Variants in FLYWCH2 observed in about 807,000 individuals in gnomAD.
FLYWCH2 encodes FLYWCH family member 2.
FLYWCH2 carries 2 observed loss-of-function variants against 6.0 expected under a neutral mutation model. The ratio of observed to expected loss-of-function variants is 0.33; its 90% CI spans 0.14 to 1.04. The LOEUF is 1.04. Ranked by LOEUF, FLYWCH2 falls within the 50% of genes least tolerant of loss-of-function variation. The pLI is 0.45. For missense variants in FLYWCH2, 192 were observed against 183.4 expected (o/e 1.05, Z -0.27); for synonymous variants, 87 against 79.3 (o/e 1.10, Z -0.52).
intron 1 of FLYWCH2, among the ~76,000 whole-genome samples, chr16:2,886,516 C>CTTTTT (rs34052316): frequency 6.0e-5 from 4 of 66,848 alleles, no homozygotes; most frequent in East Asian, 3.6e-4. Context: ...CCCCTTTGTC[C>CTTTTT]TTTTTTTTTT....
Position 2,895,797 on chromosome 16 carries a change from T to C in FLYWCH2, c.-99+477T>C, listed in dbSNP as rs181639300. ...ACAAACTGAGCTAATGTCCCCAGAG[T>C]GTTTAGCTCTGATGCTTGGTGCCCA... On this transcript the variant is annotated intron_variant, in intron 2 of 3. Coordinates refer to ENST00000396958, the MANE Select transcript of FLYWCH2 (RefSeq NM_138439.3). 2.7e-3 allele frequency among the ~76,000 whole-genome samples: 410 copies of C among 152,186 alleles called. 1 individual carries two copies. Among genetic ancestry groups the C allele is most frequent in the African/African-American group, 9.1e-3 (379 of 41,520 alleles).
At position 2,896,549 on chromosome 16, in the gene FLYWCH2, A is replaced by T. The variant is rs2069822438; in HGVS notation, c.100A>T (p.Arg34Trp). ...CACAGAAGTCATCCCGGCAGCCCCC[A>T]GGAAGCCCAGAAAGTTCTCCAAACT... Reference protein sequence around the residue: ...PGTEVIPAAPRKPRKFSKLVL... With the variant: ...PGTEVIPAAPWKPRKFSKLVL... The change falls in exon 3 of 4, where the codon AGG becomes TGG. Residue 34 changes from arginine (R) to tryptophan (W), a missense_variant. Physicochemically the swap from Arg to Trp is moderately radical, Grantham distance 101. Transcript: ENST00000396958. 1.2e-6 allele frequency: 2 copies of T among 1,614,146 alleles called. No homozygotes were observed. Among genetic ancestry groups the T allele is most frequent in the East Asian group, 2.2e-5 (1 of 44,880 alleles).
At chr16:2,886,179 T>C (rs1363784276) in intron 1 of FLYWCH2, among the ~76,000 whole-genome samples, 1 of 151,976 alleles carries the variant, frequency 6.6e-6, no homozygotes, top group Non-Finnish European at 1.5e-5. Context: ...ATTATTATTA[T>C]TGTTATTATT....
Position 2,890,416 on chromosome 16 carries a change from A to ATT in FLYWCH2, c.-199-4790_-199-4789dup, listed in dbSNP as rs71158115. On this transcript the variant is annotated intron_variant, in intron 1 of 3. Transcript: ENST00000396958. ...AGGTGCACAGCACCATGCCTGACTA[A>ATT]TTTTTTTTTTTTTTTGAGACAACGT... Among the ~76,000 whole-genome samples, 136 of 133,438 alleles carry ATT rather than the reference A, an allele frequency of 1.0e-3. 1 individual carries two copies. The highest frequency in any genetic ancestry group is 4.8e-3 in the South Asian group (20 of 4,152). The allele number at this position is 133,438 out of a possible 152,430, so 87.5% of individuals were successfully genotyped here.
rs763467628 is a variant in FLYWCH2 at position 2,899,159 on chromosome 16, C to T, written c.*10C>T. On this transcript the variant is annotated 3_prime_UTR_variant, in exon 4 of 4. Transcript: ENST00000396958. ...CGGCAAGTCCCTGTAACCTTGACAACAGGCGCATCCTCCCAGGCCACCAAC... is the reference window on the plus strand; with the variant it reads ...CGGCAAGTCCCTGTAACCTTGACAATAGGCGCATCCTCCCAGGCCACCAAC... The T allele has an allele frequency of 1.2e-6, 2 of 1,606,834 alleles. No homozygotes were observed. Among genetic ancestry groups the T allele is most frequent in the African/African-American group, 2.7e-5 (2 of 74,796 alleles).
At position 2,899,315 on chromosome 16, in the gene FLYWCH2, G is replaced by A; in HGVS notation, c.*166G>A. 1 of 517,696 alleles carries A rather than the reference G, an allele frequency of 1.9e-6. No individual in the cohort carries two copies. The highest frequency in any genetic ancestry group is 2.8e-5 in the South Asian group (1 of 36,110). 32.1% of individuals were successfully genotyped at this position (517,696 alleles called of 1,614,324 possible). On this transcript the variant is annotated 3_prime_UTR_variant, in exon 4 of 4. Transcript: ENST00000396958. ...CAAGTATAAGTTACTTTTGTAAGCA[G>A]AAAAATACTTTCAAACAAGAATAAA...
At chr16:2,888,453 A>G (rs1010868764) in intron 1 of FLYWCH2, among the ~76,000 whole-genome samples, 30 of 137,194 alleles carry the variant, frequency 2.2e-4, no homozygotes, top group African/African-American at 7.6e-4. Context: ...GAATTTTCAT[A>G]TGAATTTTAG....
intron 1 of FLYWCH2, among the ~76,000 whole-genome samples, chr16:2,885,928 C>T (rs1057050323): frequency 6.6e-6 from 1 of 152,154 alleles, no homozygotes; most frequent in African/African-American, 2.4e-5. Context: ...AAAATGGCTG[C>T]ACCATTTTAC....
chr16:2,883,681 C>T (rs1046496168), intron 1 of FLYWCH2, among the ~76,000 whole-genome samples: 6 of 152,238 alleles, frequency 3.9e-5, no homozygotes, highest in Admixed American at 2.6e-4. Flanking sequence ...CCGCCGGCCT[C>T]GTCCCACGGT....
In FLYWCH2 at chr16:2,899,341, A is replaced by G; in HGVS notation, c.*192A>G. 2.0e-6 allele frequency: 1 copy of G among 507,144 alleles called. No homozygotes were observed. Among genetic ancestry groups the G allele is most frequent in the Non-Finnish European group, 3.4e-6 (1 of 290,728 alleles). 31.4% of individuals were successfully genotyped at this position (507,144 alleles called of 1,614,324 possible). A position where few individuals can be genotyped will look rare whatever the true frequency, so the allele number is the denominator to read the frequency against. Reference sequence around the variant, plus strand: ...AAAAATACTTTCAAACAAGAATAAAAGAAGCTGTTCGCTAGACCCCATAAT... The same window carrying G: ...AAAAATACTTTCAAACAAGAATAAAGGAAGCTGTTCGCTAGACCCCATAAT... On this transcript the variant is annotated 3_prime_UTR_variant, in exon 4 of 4. Coordinates refer to ENST00000396958, the MANE Select transcript of FLYWCH2 (RefSeq NM_138439.3).
At chr16:2,889,465 C>G (rs1219673781) in intron 1 of FLYWCH2, among the ~76,000 whole-genome samples, 2 of 151,782 alleles carry the variant, frequency 1.3e-5, no homozygotes, top group Non-Finnish European at 2.9e-5. Flanking sequence ...CCGCCTCAGC[C>G]TCCCAAAGTG....
At chr16:2,892,526 C>G (rs1245203206) in intron 1 of FLYWCH2, among the ~76,000 whole-genome samples, 1 of 146,964 alleles carries the variant, frequency 6.8e-6, no homozygotes, top group Non-Finnish European at 1.5e-5. Context: ...CTACATTTAC[C>G]ATTTTATTAT....
chr16:2,891,900 A>G (rs1353601610), intron 1 of FLYWCH2, among the ~76,000 whole-genome samples: 1 of 151,840 alleles, frequency 6.6e-6, no homozygotes, highest in Non-Finnish European at 1.5e-5. Flanking sequence ...CAAAGAACTC[A>G]AGGAAACAAT....
intron 1 of FLYWCH2, among the ~76,000 whole-genome samples, chr16:2,893,157 GT>G (rs2069779113): frequency 6.6e-6 from 1 of 151,934 alleles, no homozygotes; most frequent in Admixed American, 6.6e-5. Context: ...CTCCTTTTGG[GT>G]TTTTATGGAG....
Position 2,896,557 on chromosome 16 carries a change from C to T in FLYWCH2, c.108C>T (p.Pro36=). 3.7e-6 allele frequency: 6 copies of T among 1,614,202 alleles called. No homozygotes were observed. Among genetic ancestry groups the T allele is most frequent in the Non-Finnish European group, 5.1e-6 (6 of 1,180,032 alleles). The change falls in exon 3 of 4, where the codon CCC becomes CCT. Residue 36 remains proline, a synonymous_variant. Transcript: ENST00000396958. ...TCATCCCGGCAGCCCCCAGGAAGCC[C>T]AGAAAGTTCTCCAAACTGGTCCTGC... The part of the protein sequence containing the change: ...TEVIPAAPRK[P]RKFSKLVLLT...
chr16:2,890,901 C>A (rs2057562470), intron 1 of FLYWCH2, among the ~76,000 whole-genome samples: 2 of 152,120 alleles, frequency 1.3e-5, no homozygotes, highest in African/African-American at 2.4e-5. Flanking sequence ...CTAAGCCCAG[C>A]CAACAATCAA....
rs1169790995 is a variant in FLYWCH2, at chr16:2,890,228, G to T, written c.-199-4992G>T. ...TGCGTGTGTGTGTTTTTTTGTTTTT[G>T]TTTTTTTTTTTTTGTTTTTGTTGTT... On this transcript the variant is annotated intron_variant, in intron 1 of 3. Coordinates refer to ENST00000396958, the MANE Select transcript of FLYWCH2 (RefSeq NM_138439.3). 3.3e-3 allele frequency among the ~76,000 whole-genome samples: 456 copies of T among 139,944 alleles called. 3 individuals are homozygous for T. Among genetic ancestry groups the T allele is most frequent in the African/African-American group, 0.011 (377 of 33,612 alleles). The allele number at this position is 139,944 out of a possible 152,430, so 91.8% of individuals were successfully genotyped here.
intron 1 of FLYWCH2, among the ~76,000 whole-genome samples, chr16:2,893,509 T>G (rs1246014180): frequency 6.6e-6 from 1 of 152,172 alleles, no homozygotes; most frequent in Non-Finnish European, 1.5e-5. Context: ...TTAACGAGAT[T>G]TTTTTATTTT....
chr16:2,884,573 A>AAAAAAAAAAAAAC (rs1567301742), intron 1 of FLYWCH2, among the ~76,000 whole-genome samples: 8 of 146,382 alleles, frequency 5.5e-5, no homozygotes, highest in Admixed American at 3.4e-4. Flanking sequence ...AAAAAAAAAA[A>AAAAAAAAAAAAAC]AAAATACAAA....
Sources: allele counts gnomAD v4.1 joint callset (sites outside exome capture counted in the v4.1 genomes callset), GRCh38; gene constraint gnomAD v4.1.1; transcripts MANE v1.5; gene names NCBI Gene and HGNC (gene_info 2026-07-23, HGNC 2026-07-21).